TSNAX: variants seen among roughly 807,000 people sequenced by gnomAD.
The protein encoded by TSNAX is translin-associated protein X.
TSNAX carries 12 observed loss-of-function variants against 33.0 expected under a neutral mutation model. The ratio of observed to expected loss-of-function variants is 0.36; its 90% CI spans 0.23 to 0.59. The LOEUF is 0.59. TSNAX is among the 20% of genes least tolerant of loss of function. The probability of loss-of-function intolerance (pLI) is 0.74; values close to 1 mark genes in which losing one functional copy is unlikely to be tolerated. For missense variants in TSNAX, 267 were observed against 341.3 expected (o/e 0.78, Z 1.72); for synonymous variants, 110 against 117.2 (o/e 0.94, Z 0.40).
intron 4 of TSNAX, among the ~76,000 whole-genome samples, chr1:231,555,134 A>G (rs1660606065): frequency 6.6e-6 from 1 of 152,212 alleles, no homozygotes. Flanking sequence ...TTACTTAGAA[A>G]AGCCAAAAGG....
At chr1:231,556,603 C>G (rs1487563499) in intron 4 of TSNAX, among the ~76,000 whole-genome samples, 1 of 152,094 alleles carries the variant, frequency 6.6e-6, no homozygotes, top group Non-Finnish European at 1.5e-5. Flanking sequence ...GCTGCTTATC[C>G]TGTTTGTTGA....
intron 4 of TSNAX, among the ~76,000 whole-genome samples, chr1:231,551,860 C>T (rs2124925846): frequency 6.6e-6 from 1 of 151,496 alleles, no homozygotes; most frequent in Middle Eastern, 3.5e-3. Flanking sequence ...GGCATAGTTG[C>T]TTGCTCCTGT....
intron 2 of TSNAX, chr1:231,536,843 CTT>C (rs918207668): frequency 7.5e-6 from 1 of 133,310 alleles, no homozygotes; most frequent in Non-Finnish European, 1.6e-5. Flanking sequence ...TTTTTTTTTT[CTT>C]TTTTTTGAGA....
intron 4 of TSNAX, among the ~76,000 whole-genome samples, chr1:231,545,403 A>G (rs1659837050): frequency 6.6e-6 from 1 of 152,226 alleles, no homozygotes; most frequent in South Asian, 2.1e-4. Context: ...GAGTATCCTA[A>G]TAATTGAACA....
chr1:231,528,949 C>G lies in TSNAX; in HGVS notation c.16+123C>G, dbSNP rs112550591. ...TCGTCCCTTGTAGACTCGGGGGCGGCCCCTCTGTTTCTCTCCCCGGCCAGA... is the reference window on the plus strand; with the variant it reads ...TCGTCCCTTGTAGACTCGGGGGCGGGCCCTCTGTTTCTCTCCCCGGCCAGA... On this transcript the variant is annotated intron_variant, in intron 1 of 5. Coordinates refer to ENST00000366639, the MANE Select transcript of TSNAX (RefSeq NM_005999.3). 86 of 1,331,818 alleles carry G rather than the reference C, an allele frequency of 6.5e-5. No homozygotes were observed. In the African/African-American group the frequency reaches 1.0e-3, roughly 16 times the overall value. 82.5% of individuals were successfully genotyped at this position (1,331,818 alleles called of 1,614,324 possible).
intron 4 of TSNAX, among the ~76,000 whole-genome samples, chr1:231,555,199 A>G (rs1427012145): frequency 6.6e-6 from 1 of 152,222 alleles, no homozygotes; most frequent in Non-Finnish European, 1.5e-5. Flanking sequence ...AGTGTGGTAT[A>G]TGCATACAAT....
In TSNAX at chr1:231,566,260, A is replaced by G. The variant is rs982189968; in HGVS notation, c.*1355A>G. ...ATTCAGCAATAAGACAATTGTCAAC[A>G]CAGTTGAGAATAACAATGGTAATCG... On this transcript the variant is annotated 3_prime_UTR_variant, in exon 6 of 6. Transcript: ENST00000366639. The G allele has an allele frequency of 1.8e-4, 28 of 152,612 alleles. No individual in the cohort carries two copies. Among genetic ancestry groups the G allele is most frequent in the Non-Finnish European group, 3.7e-4 (25 of 68,034 alleles). 9.5% of individuals were successfully genotyped at this position (152,612 alleles called of 1,614,324 possible).
intron 5 of TSNAX, 72 bp downstream of exon 5, chr1:231,561,327 C>T: frequency 8.4e-7 from 1 of 1,193,326 alleles, no homozygotes; most frequent in Non-Finnish European, 1.2e-6. Flanking sequence ...AGTAGATTTA[C>T]TGGCTTATGC....
chr1:231,530,593 C>T (rs368651667), intron 2 of TSNAX, among the ~76,000 whole-genome samples: 4 of 152,124 alleles, frequency 2.6e-5, no homozygotes, highest in South Asian at 2.1e-4. Context: ...CGTCAGTAGT[C>T]CCCACTACTT....
intron 2 of TSNAX, among the ~76,000 whole-genome samples, chr1:231,531,219 G>C (rs970768131): frequency 2.0e-5 from 3 of 152,034 alleles, no homozygotes; most frequent in African/African-American, 7.2e-5. Context: ...CGGCCTCTCA[G>C]AGTGCTGGGA....
At chr1:231,532,283 T>C (rs1658812106) in intron 2 of TSNAX, among the ~76,000 whole-genome samples, 1 of 151,258 alleles carries the variant, frequency 6.6e-6, no homozygotes, top group African/African-American at 2.4e-5. Context: ...GCGTAGCCTC[T>C]TGGGCTCAAG....
At chr1:231,554,456 C>T (rs774820009) in intron 4 of TSNAX, among the ~76,000 whole-genome samples, 3 of 152,136 alleles carry the variant, frequency 2.0e-5, no homozygotes, top group Non-Finnish European at 2.9e-5. Context: ...TGGGCATTGT[C>T]CCCACCCTCA....
intron 4 of TSNAX, among the ~76,000 whole-genome samples, chr1:231,551,199 A>G (rs1275456748): frequency 6.6e-6 from 1 of 152,232 alleles, no homozygotes; most frequent in Non-Finnish European, 1.5e-5. Context: ...AGGATTAAGC[A>G]AGATAAGAAG....
intron 4 of TSNAX, among the ~76,000 whole-genome samples, chr1:231,547,389 C>CTTTTTTTTTTTTTTTTTTTTTTTTTT (rs71179784): frequency 9.6e-6 from 1 of 104,692 alleles, no homozygotes; most frequent in Non-Finnish European, 1.9e-5. Context: ...TTTTTTTTTT[C>CTTTTTTTTTTTTTTTTTTTTTTTTTT]TTTTTTTTTT....
intron 3 of TSNAX, among the ~76,000 whole-genome samples, chr1:231,540,727 G>A (rs1050374767): frequency 1.8e-4 from 28 of 152,200 alleles, no homozygotes; most frequent in African/African-American, 5.5e-4. Flanking sequence ...GAGAAAGAGG[G>A]TGACCTCTCT....
intron 2 of TSNAX, among the ~76,000 whole-genome samples, chr1:231,530,171 C>G (rs1658579513): frequency 6.6e-6 from 1 of 152,204 alleles, no homozygotes; most frequent in African/African-American, 2.4e-5. Context: ...TCTCTATGTC[C>G]TAATCTCAGA....
chr1:231,540,343 T>C (rs1181889440), intron 3 of TSNAX, among the ~76,000 whole-genome samples: 1 of 152,208 alleles, frequency 6.6e-6, no homozygotes, highest in Admixed American at 6.5e-5. Flanking sequence ...TCAAGGAATT[T>C]GCCATTTCCT....
intron 4 of TSNAX, among the ~76,000 whole-genome samples, chr1:231,558,572 A>G (rs1468957821): frequency 1.3e-5 from 2 of 152,114 alleles, no homozygotes; most frequent in African/African-American, 4.8e-5. Flanking sequence ...ATCTTTGTGC[A>G]TATCTTCTTG....
chr1:231,529,178 G>C, intron 1 of TSNAX, 77 bp from the exon 2 acceptor site: 1 of 1,439,680 alleles, frequency 6.9e-7, no homozygotes, highest in Admixed American at 1.8e-5. Flanking sequence ...TTAAAGCAAG[G>C]AGTAGGTTTG....
Sources: gnomAD v4.1 joint callset for allele counts (sites outside exome capture counted in the v4.1 genomes callset) on GRCh38, gnomAD v4.1.1 for gene constraint, MANE v1.5 for transcripts, NCBI Gene and HGNC (gene_info 2026-07-23, HGNC 2026-07-21) for gene names.